The following NDUFS4 variants were observed in gnomAD, a reference collection of about 807,000 sequenced individuals.
NDUFS4 encodes the protein NADH:ubiquinone oxidoreductase subunit S4, also known as NADH dehydrogenase [ubiquinone] iron-sulfur protein 4, mitochondrial.
NDUFS4 carries 28 observed loss-of-function variants against 24.3 expected under a neutral mutation model. The observed-to-expected ratio is 1.15, with a 90% CI of 0.85 to 1.58. NDUFS4 has a LOEUF of 1.58. NDUFS4 is among the 40% of genes most tolerant of loss of function. NDUFS4 has a pLI of 0.00. For synonymous variants in NDUFS4, 93 were observed against 69.7 expected (o/e 1.34, Z -1.67); for missense variants, 223 against 207.9 (o/e 1.07, Z -0.45).
At position 53,603,529 on chromosome 5, in the gene NDUFS4, T is replaced by C; in HGVS notation, c.176T>C (p.Leu59Ser). Residue 59 changes from leucine (L) to serine (S), a missense_variant and splice_region_variant, in exon 2 of 5, where the codon TTG becomes TCG. Leu to Ser is a moderately radical substitution (Grantham distance 145, BLOSUM62 -2). Transcript: ENST00000296684. The part of the protein sequence containing the change: ...DTQLITVDEK[L>S]DITTLTGVPE... ...CAACTCATAACAGTTGATGAAAAATTGGTAAGGATTTTCTACTACACACTG... is the reference window on the plus strand; with the variant it reads ...CAACTCATAACAGTTGATGAAAAATCGGTAAGGATTTTCTACTACACACTG... The C allele has an allele frequency of 1.9e-6, 3 of 1,612,858 alleles. No individual in the cohort carries two copies. Among genetic ancestry groups the C allele is most frequent in the Non-Finnish European group, 2.5e-6 (3 of 1,179,092 alleles).
intron 4 of NDUFS4, among the ~76,000 whole-genome samples, chr5:53,682,839 G>GAT (rs1740713851): frequency 6.6e-6 from 1 of 152,072 alleles, no homozygotes; most frequent in Admixed American, 6.6e-5. Context: ...GTAATACATA[G>GAT]ATATCAGTAA....
chr5:53,606,884 C>CA (rs1750531446), intron 2 of NDUFS4, among the ~76,000 whole-genome samples: 3 of 152,204 alleles, frequency 2.0e-5, no homozygotes, highest in Admixed American at 2.0e-4. Flanking sequence ...ATAACCTATG[C>CA]ATATTCTCCC....
intron 2 of NDUFS4, among the ~76,000 whole-genome samples, chr5:53,607,331 G>A (rs1211273317): frequency 1.3e-5 from 2 of 152,166 alleles, no homozygotes; most frequent in African/African-American, 2.4e-5. Flanking sequence ...GCAGAATTAA[G>A]TTCTATAAAA....
At chr5:53,603,081 G>A (rs1051694903) in intron 1 of NDUFS4, among the ~76,000 whole-genome samples, 3 of 151,966 alleles carry the variant, frequency 2.0e-5, no homozygotes, top group African/African-American at 7.3e-5. Flanking sequence ...GATGCCATCC[G>A]TTTAAGAATC....
intron 2 of NDUFS4, among the ~76,000 whole-genome samples, chr5:53,628,083 A>C (rs1044469759): frequency 7.9e-5 from 12 of 152,220 alleles, no homozygotes; most frequent in African/African-American, 2.9e-4. Flanking sequence ...GAGAGTTTTT[A>C]GCATGAAGGG....
chr5:53,639,151 C>G (rs910532759), intron 2 of NDUFS4, among the ~76,000 whole-genome samples: 1 of 151,820 alleles, frequency 6.6e-6, no homozygotes, highest in Admixed American at 6.6e-5. Flanking sequence ...AAAATACATC[C>G]TTTATTGCAT....
intron 4 of NDUFS4, among the ~76,000 whole-genome samples, chr5:53,678,853 T>C (rs528369187): frequency 2.0e-5 from 3 of 152,274 alleles, no homozygotes; most frequent in Admixed American, 2.0e-4. Flanking sequence ...CTTTCAAGTG[T>C]TGTTATTCTT....
At chr5:53,655,518 A>G (rs1346953056) in intron 3 of NDUFS4, among the ~76,000 whole-genome samples, 2 of 152,108 alleles carry the variant, frequency 1.3e-5, no homozygotes, top group Admixed American at 1.3e-4. Flanking sequence ...TATGTATAAT[A>G]CAGTACTAAA....
At chr5:53,618,109 C>A (rs1465854661) in intron 2 of NDUFS4, among the ~76,000 whole-genome samples, 1 of 151,860 alleles carries the variant, frequency 6.6e-6, no homozygotes, top group Non-Finnish European at 1.5e-5. Context: ...AACCTCGTCT[C>A]TTCCAAAAAA....
chr5:53,638,620 A>G (rs1339333691), intron 2 of NDUFS4, among the ~76,000 whole-genome samples: 2 of 152,088 alleles, frequency 1.3e-5, no homozygotes, highest in African/African-American at 2.4e-5. Flanking sequence ...TACCTGGGTG[A>G]TGAAATAATT....
intron 4 of NDUFS4, among the ~76,000 whole-genome samples, chr5:53,676,185 C>G (rs1740463187): frequency 6.6e-6 from 1 of 152,120 alleles, no homozygotes; most frequent in South Asian, 2.1e-4. Flanking sequence ...CTAATTGAGA[C>G]AAAACTGATT....
intron 2 of NDUFS4, among the ~76,000 whole-genome samples, chr5:53,615,152 T>C (rs1750804512): frequency 6.6e-6 from 1 of 151,910 alleles, no homozygotes; most frequent in Non-Finnish European, 1.5e-5. Context: ...TTTGGTCTTT[T>C]TGGTAGTAAA....
chr5:53,659,720 A>AT (rs1361733250), intron 4 of NDUFS4, among the ~76,000 whole-genome samples: 1 of 152,172 alleles, frequency 6.6e-6, no homozygotes, highest in Non-Finnish European at 1.5e-5. Flanking sequence ...GTTCTCTAAC[A>AT]TTACCTGAAA....
chr5:53,579,375 C>A (rs1231445471), intron 1 of NDUFS4, among the ~76,000 whole-genome samples: 5 of 152,144 alleles, frequency 3.3e-5, no homozygotes, highest in Admixed American at 2.6e-4. Flanking sequence ...AATTTACACA[C>A]TAGACAATTA....
At chr5:53,588,647 A>T (rs1018365629) in intron 1 of NDUFS4, among the ~76,000 whole-genome samples, 2 of 152,172 alleles carry the variant, frequency 1.3e-5, no homozygotes, top group African/African-American at 2.4e-5. Flanking sequence ...ATTCTTAATG[A>T]TGTGATCATC....
At chr5:53,597,781 C>G (rs1750173628) in intron 1 of NDUFS4, among the ~76,000 whole-genome samples, 1 of 152,108 alleles carries the variant, frequency 6.6e-6, no homozygotes. Flanking sequence ...AAAGCTTCTG[C>G]TCTGTGAAAG....
At chr5:53,663,967 G>A in intron 4 of NDUFS4, among the ~76,000 whole-genome samples, 1 of 150,114 alleles carries the variant, frequency 6.7e-6, no homozygotes, top group East Asian at 1.9e-4. Context: ...GCAGTGGCTG[G>A]TACTTGTTGT....
chr5:53,645,528 G>A (rs1438004262), intron 2 of NDUFS4, among the ~76,000 whole-genome samples: 1 of 152,116 alleles, frequency 6.6e-6, no homozygotes. Flanking sequence ...TTTGTTACTG[G>A]ATAAAATTAT....
At chr5:53,593,860 T>C (rs1750049990) in intron 1 of NDUFS4, among the ~76,000 whole-genome samples, 1 of 152,140 alleles carries the variant, frequency 6.6e-6, no homozygotes, top group African/African-American at 2.4e-5. Context: ...TTTTCTAGTT[T>C]TCTGTTACTG....
Sources: allele counts gnomAD v4.1 joint callset (sites outside exome capture counted in the v4.1 genomes callset), GRCh38; gene constraint gnomAD v4.1.1; transcripts MANE v1.5; gene names NCBI Gene and HGNC (gene_info 2026-07-23, HGNC 2026-07-21).